The following WDR12 variants were observed in gnomAD, a reference collection of about 807,000 sequenced individuals.
The protein encoded by WDR12 is ribosome biogenesis protein WDR12.
In WDR12, 42 loss-of-function variants were observed where a neutral mutation model predicts 64.3. The ratio of observed to expected loss-of-function variants is 0.65; its 90% CI spans 0.51 to 0.84. WDR12 has a LOEUF of 0.84. Among genes scored for constraint, WDR12 ranks in the 40% least tolerant of loss-of-function variants. WDR12 has a pLI of 0.00. For synonymous variants in WDR12, 158 were observed against 173.3 expected (o/e 0.91, Z 0.70); for missense variants, 469 against 494.6 (o/e 0.95, Z 0.49).
chr2:202,894,499 G>T, intron 7 of WDR12, 82 bp downstream of exon 7: 1 of 1,232,050 alleles, frequency 8.1e-7, no homozygotes, highest in Non-Finnish European at 1.1e-6. Flanking sequence ...TGAGATTATA[G>T]GCGTAAGCCA....
chr2:202,911,512 A>C lies in WDR12; in HGVS notation c.-36T>G, dbSNP rs1310663111. 6.2e-7 allele frequency: 1 copy of C among 1,609,466 alleles called. No homozygotes were observed. The highest frequency in any genetic ancestry group is 1.7e-5 in the Admixed American group (1 of 60,016). On this transcript the variant is annotated 5_prime_UTR_variant, in exon 1 of 13. Coordinates refer to ENST00000261015, the MANE Select transcript of WDR12 (RefSeq NM_018256.4). ...ACACACGACTTGCCCACGGAAACGT[A>C]CGGGTTAGCAGACCCACAACACGAA... is the stretch of plus-strand genomic sequence containing the variant.
intron 2 of WDR12, among the ~76,000 whole-genome samples, chr2:202,906,220 T>C (rs1688454359): frequency 6.6e-6 from 1 of 152,204 alleles, no homozygotes; most frequent in Non-Finnish European, 1.5e-5. Flanking sequence ...ATAGACTATA[T>C]AACAGTTTTG....
chr2:202,903,435 G>C (rs1688386155), intron 2 of WDR12, among the ~76,000 whole-genome samples: 1 of 124,992 alleles, frequency 8.0e-6, no homozygotes, highest in Non-Finnish European at 1.6e-5. Flanking sequence ...GTCCTAGCTA[G>C]AGCAATCAGA....
chr2:202,896,983 T>A (rs1339110113), intron 5 of WDR12, among the ~76,000 whole-genome samples: 1 of 151,116 alleles, frequency 6.6e-6, no homozygotes, highest in Non-Finnish European at 1.5e-5. Context: ...CGAGACTATC[T>A]CAAAAACAAA....
intron 4 of WDR12, 33 bp downstream of exon 4, chr2:202,899,497 CA>C (rs551695735): frequency 1.7e-5 from 27 of 1,581,712 alleles, no homozygotes; most frequent in South Asian, 4.6e-5. Flanking sequence ...AAAAACAAAA[CA>C]AAAAAAAGAG....
chr2:202,899,616 A>G lies in WDR12; in HGVS notation c.253T>C (p.Tyr85His). The G allele has an allele frequency of 6.2e-7, 1 of 1,614,020 alleles. No homozygotes were observed. The highest frequency in any genetic ancestry group is 8.5e-7 in the Non-Finnish European group (1 of 1,179,946). The change falls in exon 4 of 13, where the codon TAC becomes CAC. Residue 85 changes from tyrosine (Y) to histidine (H), a missense_variant. By Grantham distance (83) the Tyr-to-His change is moderately conservative. Transcript: ENST00000261015. The part of the protein sequence containing the change: ...ISSEEVVEIE[Y>H]VEKYTAPQPE... ...TGGGGTGCAGTATACTTCTCCACGT[A>G]TTCTATTTCCACAACTTCTTCCTAA...
rs539315593 is a variant in WDR12 at position 202,897,757 on chromosome 2, C to T, written c.339-342G>A. 9.4e-5 allele frequency among the ~76,000 whole-genome samples: 14 copies of T among 148,698 alleles called. No individual in the cohort carries two copies. In the East Asian group the frequency reaches 2.4e-3, roughly 26 times the overall value. On this transcript the variant is annotated intron_variant, in intron 4 of 12. Coordinates refer to ENST00000261015, the MANE Select transcript of WDR12 (RefSeq NM_018256.4). The stretch of plus-strand genomic sequence containing the variant: ...ACAAAAAATTAGCCAGGCATGGTGG[C>T]GGGTGCCTGTAGTCTCAGCTACTCA...
rs201646386 is a variant in WDR12, at chr2:202,884,175, C to T, written c.988+23G>A. The T allele has an allele frequency of 3.1e-6, 5 of 1,596,364 alleles. No individual in the cohort carries two copies. The African/African-American group carries it at 5.4e-5, about 17-fold the overall frequency. On this transcript the variant is annotated intron_variant, in intron 10 of 12. Transcript: ENST00000261015. ...ATAGATGTTATTCACACATATATTC[C>T]CCCAGTGGTTTACATGACTCACCTT...
intron 8 of WDR12, among the ~76,000 whole-genome samples, chr2:202,890,191 T>C (rs1164588026): frequency 4.6e-5 from 7 of 152,180 alleles, no homozygotes; most frequent in Non-Finnish European, 8.8e-5. Context: ...ATCAGGCCAC[T>C]GTACTCCAGC....
chr2:202,910,765 C>T (rs1429160499), intron 1 of WDR12, among the ~76,000 whole-genome samples: 1 of 152,144 alleles, frequency 6.6e-6, no homozygotes, highest in African/African-American at 2.4e-5. Context: ...GATTTACTAG[C>T]TCTCCTCATA....
chr2:202,893,735 G>A (rs1033719824), intron 7 of WDR12, among the ~76,000 whole-genome samples: 2 of 152,146 alleles, frequency 1.3e-5, no homozygotes, highest in Non-Finnish European at 2.9e-5. Flanking sequence ...ATCTATGGGT[G>A]TGTGTTTTTT....
At chr2:202,902,336 T>A (rs963219064) in intron 2 of WDR12, among the ~76,000 whole-genome samples, 2 of 152,150 alleles carry the variant, frequency 1.3e-5, no homozygotes, top group African/African-American at 4.8e-5. Flanking sequence ...TAATACACTG[T>A]GATGGTTAAC....
intron 6 of WDR12, among the ~76,000 whole-genome samples, chr2:202,894,934 G>A (rs1412174683): frequency 6.6e-6 from 1 of 152,104 alleles, no homozygotes; most frequent in Admixed American, 6.6e-5. Flanking sequence ...GGTTCCTGAG[G>A]CCCAAATGCA....
At chr2:202,896,973 C>A (rs62183733) in intron 5 of WDR12, among the ~76,000 whole-genome samples, 1 of 151,696 alleles carries the variant, frequency 6.6e-6, no homozygotes, top group East Asian at 1.9e-4. Context: ...GGTGACACAG[C>A]GAGACTATCT....
intron 5 of WDR12, 78 bp from the exon 6 acceptor site, chr2:202,896,297 C>A: frequency 6.9e-7 from 1 of 1,440,638 alleles, no homozygotes; most frequent in Non-Finnish European, 9.2e-7. Flanking sequence ...AACCAAAGAA[C>A]TAAATTTTTT....
At chr2:202,886,754 T>G (rs1311276907) in intron 8 of WDR12, among the ~76,000 whole-genome samples, 1 of 104,264 alleles carries the variant, frequency 9.6e-6, no homozygotes, top group African/African-American at 3.7e-5. Flanking sequence ...GCAACAAGAG[T>G]GAAACTCCAT....
rs1373746668 is a variant in WDR12 at position 202,878,772 on chromosome 2, A to G, written c.*2088T>C. ...AGATGTAATACCATCTAATAATGAGACCAAACATATTTCCCAAATATTACT... is the reference window on the plus strand; with the variant it reads ...AGATGTAATACCATCTAATAATGAGGCCAAACATATTTCCCAAATATTACT... On this transcript the variant is annotated 3_prime_UTR_variant, in exon 13 of 13. Coordinates refer to ENST00000261015, the MANE Select transcript of WDR12 (RefSeq NM_018256.4). 3 of 152,244 alleles carry G rather than the reference A, an allele frequency of 2.0e-5. No homozygotes were observed. Among genetic ancestry groups the G allele is most frequent in the Non-Finnish European group, 2.9e-5 (2 of 68,048 alleles). The allele number at this position is 152,244 out of a possible 1,614,324, so 9.4% of individuals were successfully genotyped here.
chr2:202,899,953 C>T (rs1014197732), intron 3 of WDR12, among the ~76,000 whole-genome samples: 4 of 152,182 alleles, frequency 2.6e-5, no homozygotes, highest in African/African-American at 9.7e-5. Flanking sequence ...AAGCAAGACC[C>T]TGTCTCCTAA....
chr2:202,901,317 A>G (rs1370397620), intron 2 of WDR12, among the ~76,000 whole-genome samples, 198 bp from the exon 3 acceptor site: 1 of 152,200 alleles, frequency 6.6e-6, no homozygotes, highest in Non-Finnish European at 1.5e-5. Flanking sequence ...ATTTTGGTTT[A>G]GAAAACTTTT....
Sources: gnomAD v4.1 joint callset for allele counts (sites outside exome capture counted in the v4.1 genomes callset) on GRCh38, gnomAD v4.1.1 for gene constraint, MANE v1.5 for transcripts, NCBI Gene and HGNC (gene_info 2026-07-23, HGNC 2026-07-21) for gene names.